TRRAP: variants seen among roughly 807,000 people sequenced by gnomAD.
The protein encoded by TRRAP is transformation/transcription domain associated protein, also known as transformation/transcription domain-associated protein.
In TRRAP, 41 loss-of-function variants were observed where a neutral mutation model predicts 438.8. That is an observed-to-expected ratio of 0.09 (90% confidence interval 0.07 to 0.12). The LOEUF (loss-of-function observed/expected upper bound fraction) is 0.12, where lower values mean the gene tolerates loss of function less well. Ranked by LOEUF, TRRAP falls within the 10% of genes least tolerant of loss-of-function variation. The pLI is 1.00. For missense variants in TRRAP, 3,122 were observed against 5,055.1 expected (o/e 0.62, Z 11.60); for synonymous variants, 1,994 against 1,962.9 (o/e 1.02, Z -0.42).
Position 98,954,528 on chromosome 7 carries a change from C to A in TRRAP, c.5731-570C>A, listed in dbSNP as rs543807576. On this transcript the variant is annotated intron_variant, in intron 40 of 72. Coordinates refer to ENST00000456197, the MANE Select transcript of TRRAP (RefSeq NM_001375524.1). ...AGCCTCGGGGCTGCCCTGCCCTCCC[C>A]CAGTTGTCTCAGACACAAACACTCG... Among the ~76,000 whole-genome samples, 230 of 152,332 alleles carry A rather than the reference C, an allele frequency of 1.5e-3. 2 individuals are homozygous for A. The highest frequency in any genetic ancestry group is 3.7e-3 in the South Asian group (18 of 4,828).
Position 98,915,762 on chromosome 7 carries a change from G to T in TRRAP, c.2239G>T (p.Ala747Ser). 6.2e-7 allele frequency: 1 copy of T among 1,614,082 alleles called. No homozygotes were observed. Among genetic ancestry groups the T allele is most frequent in the Non-Finnish European group, 8.5e-7 (1 of 1,179,996 alleles). The stretch of plus-strand genomic sequence containing the variant: ...GATTGTGAACAGCTCTATGGAGCTC[G>T]CGCAGACTGCCAAGGAACCCTACAA... Reference protein sequence around the residue: ...HKIVNSSMELAQTAKEPYNYF... With the variant: ...HKIVNSSMELSQTAKEPYNYF... Residue 747 changes from alanine to serine, a missense_variant, in exon 19 of 73, where the codon GCG (alanine) becomes TCG (serine). Ala to Ser is a moderately conservative substitution (Grantham distance 99). Coordinates refer to ENST00000456197, the MANE Select transcript of TRRAP (RefSeq NM_001375524.1).
In TRRAP at chr7:98,988,962, C is replaced by T. The variant is rs767873841; in HGVS notation, c.9587C>T (p.Ala3196Val). 3.1e-6 allele frequency: 5 copies of T among 1,612,816 alleles called. No individual in the cohort carries two copies. The South Asian group carries it at 5.5e-5, about 18-fold the overall frequency. ...GAGAGCAAATCGAGGAAATACTTAG[C>T]CAAGGTGAGACCGAAAAAACGAGCT... ...QNESKSRKYL[A>V]KVLWLLSFDD... The change falls in exon 63 of 73, where the codon GCC becomes GTC. Residue 3196 changes from alanine (A) to valine (V), a missense_variant. By Grantham distance (64) the Ala-to-Val change is moderately conservative. Around this residue, in one of 24 missense-constraint regions of TRRAP, gnomAD observed 52 missense variants for 88.3 expected, o/e 0.59. Coordinates refer to ENST00000456197, the MANE Select transcript of TRRAP (RefSeq NM_001375524.1).
chr7:98,931,307 C>T, intron 25 of TRRAP, 98 bp from the exon 26 acceptor site: 3 of 1,527,566 alleles, frequency 2.0e-6, no homozygotes, highest in Non-Finnish European at 2.6e-6. Context: ...GGGCATGGAC[C>T]CCAGTGACAG....
chr7:99,006,779 C>G (rs941348732), intron 69 of TRRAP, among the ~76,000 whole-genome samples: 1 of 152,256 alleles, frequency 6.6e-6, no homozygotes, highest in African/African-American at 2.4e-5. Context: ...TTCATTGCAA[C>G]AAGATATCTG....
chr7:98,896,664 G>T (rs111815437), intron 7 of TRRAP, among the ~76,000 whole-genome samples: 1 of 152,078 alleles, frequency 6.6e-6, no homozygotes, highest in Non-Finnish European at 1.5e-5. Flanking sequence ...GATTACAGGC[G>T]TGAGCCACTG....
At chr7:98,946,020 T>C in intron 33 of TRRAP, 70 bp downstream of exon 33, 3 of 1,361,560 alleles carry the variant, frequency 2.2e-6, no homozygotes, top group Non-Finnish European at 2.9e-6. Context: ...TCGTTAGCTG[T>C]GTCGTGGTTC....
chr7:98,969,936 G>A (rs1015951592), intron 51 of TRRAP, among the ~76,000 whole-genome samples, 176 bp from the exon 52 acceptor site: 5 of 152,124 alleles, frequency 3.3e-5, no homozygotes, highest in Non-Finnish European at 5.9e-5. Flanking sequence ...ATGCCTTGGA[G>A]GGGTTGGAGG....
chr7:98,947,038 T>C (rs1402012782), intron 33 of TRRAP, among the ~76,000 whole-genome samples: 1 of 152,256 alleles, frequency 6.6e-6, no homozygotes, highest in Non-Finnish European at 1.5e-5. Context: ...CTGAAAAGTC[T>C]CTCAGGTGCT....
intron 39 of TRRAP, among the ~76,000 whole-genome samples, chr7:98,951,416 T>A (rs1251009852): frequency 6.6e-6 from 1 of 152,250 alleles, no homozygotes; most frequent in Non-Finnish European, 1.5e-5. Flanking sequence ...GTAGCTGCTG[T>A]GACTCCTCCT....
chr7:98,942,993 A>G lies in TRRAP; in HGVS notation c.4449A>G (p.Lys1483=). ...TGGAAGTGGTGGTGATCACCCACAA[A>G]GGGGGCCAGAGGAGCGACGGAAACG... ...KWMEVVVITH[K]GGQRSDGNES... The change falls in exon 31 of 73, where the codon AAA becomes AAG. Residue 1483 remains lysine (K), a synonymous_variant. Transcript: ENST00000456197. 6.2e-7 allele frequency: 1 copy of G among 1,614,140 alleles called. No homozygotes were observed. The highest frequency in any genetic ancestry group is 2.2e-5 in the East Asian group (1 of 44,876).
At chr7:98,917,731 C>A in intron 20 of TRRAP, 52 bp downstream of exon 20, 1 of 1,587,206 alleles carries the variant, frequency 6.3e-7, no homozygotes, top group South Asian at 1.2e-5. Context: ...AGCAGTGGGC[C>A]GTCATTGGGT....
rs1171305862 is a variant in TRRAP, at chr7:98,899,726, G to A, written c.759G>A (p.Leu253=). 4 of 1,614,136 alleles carry A rather than the reference G, an allele frequency of 2.5e-6. No homozygotes were observed. In the African/African-American group the frequency reaches 5.3e-5, roughly 22 times the overall value. ...IHNVVAEFVP[L]IMNTIAIQVS... is the part of the protein sequence containing the mutation. ...ATGTTGTTGCTGAGTTTGTGCCCTT[G>A]ATCATGAACACCATTGCCATTCAGG... The change falls in exon 10 of 73, where the codon TTG becomes TTA. Residue 253 remains leucine (L), a synonymous_variant. Transcript: ENST00000456197.
chr7:98,889,728 A>T (rs1479016529), intron 3 of TRRAP, among the ~76,000 whole-genome samples: 1 of 151,678 alleles, frequency 6.6e-6, no homozygotes, highest in Non-Finnish European at 1.5e-5. Flanking sequence ...TTTTAAAAAA[A>T]ATTTTTTGTA....
At chr7:98,964,588 G>GC in intron 47 of TRRAP, 41 bp from the exon 48 acceptor site, 1 of 1,595,566 alleles carries the variant, frequency 6.3e-7, no homozygotes. Flanking sequence ...TTTCGTGGTT[G>GC]TTACTTTTCT....
chr7:98,948,822 A>G lies in TRRAP; in HGVS notation c.4788+137A>G. The G allele has an allele frequency of 7.1e-7, 1 of 1,411,452 alleles. No individual in the cohort carries two copies. 87.4% of individuals were successfully genotyped at this position (1,411,452 alleles called of 1,614,324 possible). A position where few individuals can be genotyped will look rare whatever the true frequency, so the allele number is the denominator to read the frequency against. ...TCAGATCCATTTGAATATTGGAAAC[A>G]GCATTGCTGTTTGGTTGTGTCTGTG... On this transcript the variant is annotated intron_variant, in intron 35 of 72. Transcript: ENST00000456197. The surrounding 1 kb of genome is among the most constrained non-coding windows in gnomAD (Gnocchi z 4.9).
chr7:98,954,628 C>T (rs914087938), intron 40 of TRRAP, among the ~76,000 whole-genome samples: 1 of 152,228 alleles, frequency 6.6e-6, no homozygotes, highest in East Asian at 1.9e-4. Context: ...ACACCCACCC[C>T]GTCCCCTCTA....
intron 10 of TRRAP, among the ~76,000 whole-genome samples, chr7:98,900,200 G>A (rs1554406419): frequency 6.6e-6 from 1 of 151,874 alleles, no homozygotes; most frequent in African/African-American, 2.4e-5. Context: ...ACCTAAGGAC[G>A]TTCCTCCTGA....
At chr7:99,006,061 T>TG (rs1794150712) in intron 69 of TRRAP, among the ~76,000 whole-genome samples, 1 of 152,214 alleles carries the variant, frequency 6.6e-6, no homozygotes, top group East Asian at 1.9e-4. Flanking sequence ...AGCTGCCCTG[T>TG]TAAGGCCACA....
chr7:98,899,544 A>T lies in TRRAP; in HGVS notation c.711+45A>T, dbSNP rs375484146. The T allele has an allele frequency of 2.7e-4, 441 of 1,610,304 alleles. 1 individual carries two copies. Among genetic ancestry groups the T allele is most frequent in the Middle Eastern group, 6.6e-4 (4 of 6,054 alleles). ...GTCTCTTGGGTTTTGGGCTTCTTATAAGAAAATTGGCATCTGGGGCCAAAA... is the reference window on the plus strand; with the variant it reads ...GTCTCTTGGGTTTTGGGCTTCTTATTAGAAAATTGGCATCTGGGGCCAAAA... On this transcript the variant is annotated intron_variant, in intron 9 of 72. Transcript: ENST00000456197.
Sources: allele counts gnomAD v4.1 joint callset (sites outside exome capture counted in the v4.1 genomes callset), GRCh38; gene constraint gnomAD v4.1.1; regional missense constraint gnomAD v4.1.1; non-coding constraint Gnocchi (gnomAD v3.1); transcripts MANE v1.5; gene names NCBI Gene and HGNC (gene_info 2026-07-23, HGNC 2026-07-21).